The following FBXL7 variants were observed in gnomAD, a reference collection of about 807,000 sequenced individuals.
The protein encoded by FBXL7 is F-box and leucine rich repeat protein 7.
Under a neutral mutation model 38.3 loss-of-function variants are expected in FBXL7, and 12 were observed. That is an observed-to-expected ratio of 0.31 (90% CI 0.20 to 0.51). The LOEUF (loss-of-function observed/expected upper bound fraction) is 0.51, where lower values mean the gene tolerates loss of function less well. Ranked by LOEUF, FBXL7 falls within the 20% of genes least tolerant of loss-of-function variation. FBXL7 has a pLI of 0.98. For missense variants in FBXL7, 567 were observed against 676.4 expected, an observed-to-expected ratio of 0.84 and a Z score of 1.79; for synonymous variants, 297 against 300.9, an observed-to-expected ratio of 0.99 and a Z score of 0.13.
At chr5:15,779,971 G>A (rs186202881) in intron 2 of FBXL7, among the ~76,000 whole-genome samples, 2 of 152,172 alleles carry the variant, frequency 1.3e-5, no homozygotes, top group Admixed American at 6.5e-5. Flanking sequence ...CCAGATGTCC[G>A]ACTTGTGTTT....
At chr5:15,648,002 C>T (rs1007372722) in intron 2 of FBXL7, among the ~76,000 whole-genome samples, 9 of 152,138 alleles carry the variant, frequency 5.9e-5, no homozygotes, top group Admixed American at 1.3e-4. Flanking sequence ...GGAGAATGCC[C>T]GTGTCTAATG....
chr5:15,936,342 G>C lies in FBXL7; in HGVS notation c.740-108G>C. 1 of 1,371,592 alleles carries C rather than the reference G, an allele frequency of 7.3e-7. No individual in the cohort carries two copies. Among genetic ancestry groups the C allele is most frequent in the Non-Finnish European group, 9.8e-7 (1 of 1,021,246 alleles). 85.0% of individuals were successfully genotyped at this position (1,371,592 alleles called of 1,614,324 possible). On this transcript the variant is annotated intron_variant, in intron 3 of 3. Coordinates refer to ENST00000504595, the MANE Select transcript of FBXL7 (RefSeq NM_012304.5). The surrounding 1 kb of genome is among the most constrained non-coding windows in gnomAD (Gnocchi z 6.0). Reference sequence around the variant, plus strand: ...ACCAAGACAGGAAAGGGTAACATCAGCCTCGGACCCAGACTTGGGCGAGGG... The same window carrying C: ...ACCAAGACAGGAAAGGGTAACATCACCCTCGGACCCAGACTTGGGCGAGGG...
At chr5:15,741,925 C>G (rs1460152268) in intron 2 of FBXL7, among the ~76,000 whole-genome samples, 1 of 151,998 alleles carries the variant, frequency 6.6e-6, no homozygotes, top group East Asian at 1.9e-4. Flanking sequence ...ATGTCCCTGG[C>G]CTCGGGTGGT....
chr5:15,875,014 T>C (rs1740139530), intron 2 of FBXL7, among the ~76,000 whole-genome samples: 1 of 152,112 alleles, frequency 6.6e-6, no homozygotes, highest in South Asian at 2.1e-4. Context: ...CTTCAAACTA[T>C]ACTACAAGGC....
In FBXL7 at chr5:15,816,320, A is replaced by T. The variant is rs186470870; in HGVS notation, c.128-111570A>T. ...GAGTACTACTCAGCCATGGAAAAGAACAAAGTAAGTCTTTTGCAGCAACTT... is the reference window on the plus strand; with the variant it reads ...GAGTACTACTCAGCCATGGAAAAGATCAAAGTAAGTCTTTTGCAGCAACTT... On this transcript the variant is annotated intron_variant, in intron 2 of 3. Transcript: ENST00000504595. Among the ~76,000 whole-genome samples, 23 of 152,280 alleles carry T rather than the reference A, an allele frequency of 1.5e-4. No homozygotes were observed. In the East Asian group the frequency reaches 4.4e-3, roughly 29 times the overall value.
intron 2 of FBXL7, among the ~76,000 whole-genome samples, chr5:15,886,003 G>A (rs1165153991): frequency 1.3e-5 from 2 of 152,052 alleles, no homozygotes; most frequent in African/African-American, 2.4e-5. Context: ...TTATAGGCAT[G>A]AGCCACTGTG....
At chr5:15,891,012 T>C (rs1181386501) in intron 2 of FBXL7, among the ~76,000 whole-genome samples, 1 of 152,228 alleles carries the variant, frequency 6.6e-6, no homozygotes, top group Non-Finnish European at 1.5e-5. Flanking sequence ...AGCTTAATGA[T>C]GGCCATATTA....
At chr5:15,553,840 G>A (rs1205154710) in intron 1 of FBXL7, among the ~76,000 whole-genome samples, 1 of 152,170 alleles carries the variant, frequency 6.6e-6, no homozygotes, top group Non-Finnish European at 1.5e-5. Context: ...GAGGCTTAGT[G>A]GGTTTCTTTC....
intron 1 of FBXL7, among the ~76,000 whole-genome samples, chr5:15,536,086 A>G (rs767251128): frequency 1.1e-4 from 16 of 152,242 alleles, no homozygotes; most frequent in Non-Finnish European, 1.9e-4. Context: ...CAGCTTCCAC[A>G]TGGTGTTGGG....
chr5:15,859,883 G>A (rs553380115), intron 2 of FBXL7, among the ~76,000 whole-genome samples: 1 of 152,116 alleles, frequency 6.6e-6, no homozygotes, highest in Non-Finnish European at 1.5e-5. Context: ...ATTTGAATAC[G>A]TTGACCAAGG....
chr5:15,894,329 A>G (rs1020415321), intron 2 of FBXL7, among the ~76,000 whole-genome samples: 1 of 152,236 alleles, frequency 6.6e-6, no homozygotes, highest in Non-Finnish European at 1.5e-5. Context: ...AGAAGGGTCA[A>G]ATGGACTTCT....
chr5:15,822,983 G>A (rs1204380481), intron 2 of FBXL7, among the ~76,000 whole-genome samples: 1 of 152,018 alleles, frequency 6.6e-6, no homozygotes, highest in African/African-American at 2.4e-5. Flanking sequence ...CCATTCCAGG[G>A]ACCACTGAGA....
intron 3 of FBXL7, among the ~76,000 whole-genome samples, chr5:15,930,058 G>T (rs952726923): frequency 6.6e-5 from 10 of 152,150 alleles, no homozygotes; most frequent in Admixed American, 1.3e-4. Context: ...ATTACTTTTT[G>T]CAGATTCTTT....
chr5:15,735,790 C>T (rs567449324), intron 2 of FBXL7, among the ~76,000 whole-genome samples: 22 of 152,276 alleles, frequency 1.4e-4, no homozygotes, highest in African/African-American at 3.4e-4. Flanking sequence ...AAAACATCAT[C>T]GGAAGCTGAA....
At chr5:15,513,857 C>T (rs1410612056) in intron 1 of FBXL7, among the ~76,000 whole-genome samples, 2 of 152,158 alleles carry the variant, frequency 1.3e-5, no homozygotes, top group African/African-American at 4.8e-5. Context: ...ATACTTTTCA[C>T]ATTTTATTTT....
At chr5:15,503,289 C>T (rs1174704943) in intron 1 of FBXL7, among the ~76,000 whole-genome samples, 4 of 152,110 alleles carry the variant, frequency 2.6e-5, no homozygotes, top group African/African-American at 9.7e-5. Context: ...GGCGTGGTGG[C>T]GCATGCCTGT....
At chr5:15,538,958 C>A (rs1024784045) in intron 1 of FBXL7, among the ~76,000 whole-genome samples, 2 of 152,112 alleles carry the variant, frequency 1.3e-5, no homozygotes, top group South Asian at 4.1e-4. Context: ...AAATAAAAAT[C>A]TATTCTGATG....
At chr5:15,806,834 G>A (rs779471945) in intron 2 of FBXL7, among the ~76,000 whole-genome samples, 21 of 152,206 alleles carry the variant, frequency 1.4e-4, no homozygotes, top group Non-Finnish European at 2.1e-4. Context: ...GCTGAGCTCC[G>A]CCTTCTCCTC....
chr5:15,855,597 T>C (rs2126799919), intron 2 of FBXL7, among the ~76,000 whole-genome samples: 1 of 152,274 alleles, frequency 6.6e-6, no homozygotes, highest in South Asian at 2.1e-4. Flanking sequence ...CTGTTAAATT[T>C]GTGTCACACC....
Sources: allele counts gnomAD v4.1 joint callset (sites outside exome capture counted in the v4.1 genomes callset), GRCh38; gene constraint gnomAD v4.1.1; non-coding constraint Gnocchi (gnomAD v3.1); transcripts MANE v1.5; gene names NCBI Gene and HGNC (gene_info 2026-07-23, HGNC 2026-07-21).